The following PPFIA2 variants were observed in gnomAD, a reference collection of about 807,000 sequenced individuals.
The protein encoded by PPFIA2 is liprin-alpha-2.
A neutral mutation model predicts 175.5 loss-of-function variants in PPFIA2; 46 were observed. That is an observed-to-expected ratio of 0.26 (90% CI 0.21 to 0.34). The LOEUF (loss-of-function observed/expected upper bound fraction) is 0.34. Ranked by LOEUF, PPFIA2 falls within the 10% of genes least tolerant of loss-of-function variation. The pLI, the probability that PPFIA2 is intolerant of heterozygous loss-of-function variation, is 1.00. For synonymous variants in PPFIA2, 568 were observed against 511.4 expected, an observed-to-expected ratio of 1.11 and a Z score of -1.49; for missense variants, 1,179 against 1,506.1, an observed-to-expected ratio of 0.78 and a Z score of 3.60.
rs552054333 is a variant in PPFIA2, at chr12:81,317,889, A to G, written c.2642+7888T>C. The stretch of plus-strand genomic sequence containing the variant: ...AAGCAGGTAGTTCAAACTCTCAGCC[A>G]AAAGTTGAATCCTCGATGCAATAAT... On this transcript the variant is annotated intron_variant, in intron 22 of 32. Coordinates refer to ENST00000549396, the MANE Select transcript of PPFIA2 (RefSeq NM_003625.5). 2.0e-5 allele frequency among the ~76,000 whole-genome samples: 3 copies of G among 151,828 alleles called. No homozygotes were observed. In the East Asian group the frequency reaches 5.8e-4, roughly 29 times the overall value.
At chr12:81,677,268 T>C (rs1190047680) in intron 3 of PPFIA2, among the ~76,000 whole-genome samples, 1 of 151,978 alleles carries the variant, frequency 6.6e-6, no homozygotes, top group Non-Finnish European at 1.5e-5. Context: ...ACATATGATA[T>C]TTTGATGTAA....
intron 3 of PPFIA2, 50 bp downstream of exon 3, chr12:81,753,923 A>G (rs759870463): frequency 3.1e-6 from 5 of 1,595,552 alleles, no homozygotes; most frequent in Non-Finnish European, 4.3e-6. Flanking sequence ...AGTGAATCTT[A>G]ACAAATGTTC....
chr12:81,392,517 T>C (rs748570400), intron 8 of PPFIA2, among the ~76,000 whole-genome samples: 3 of 151,930 alleles, frequency 2.0e-5, no homozygotes. Flanking sequence ...AGATGACTAA[T>C]AACGTCTTTG....
chr12:81,706,576 T>A (rs2077171226), intron 3 of PPFIA2, among the ~76,000 whole-genome samples: 1 of 152,144 alleles, frequency 6.6e-6, no homozygotes, highest in South Asian at 2.1e-4. Context: ...AAGAGAAAAG[T>A]CTAAATAAAC....
intron 8 of PPFIA2, among the ~76,000 whole-genome samples, chr12:81,404,575 T>G (rs1022141641): frequency 1.3e-5 from 2 of 152,180 alleles, no homozygotes; most frequent in African/African-American, 4.8e-5. Context: ...ATAAAGCTAA[T>G]GAAATACGTC....
intron 4 of PPFIA2, among the ~76,000 whole-genome samples, chr12:81,497,847 T>C (rs1353840904): frequency 1.3e-5 from 2 of 152,152 alleles, no homozygotes; most frequent in Non-Finnish European, 2.9e-5. Context: ...CCCTCATAGT[T>C]GTCTTTTTTG....
At chr12:81,362,013 CTAT>C (rs2030808258) in intron 15 of PPFIA2, among the ~76,000 whole-genome samples, 1 of 104,120 alleles carries the variant, frequency 9.6e-6, no homozygotes, top group African/African-American at 4.5e-5. Context: ...ATGTATCTAT[CTAT>C]CTATCTATCT....
chr12:81,594,871 C>A (rs2059074968), intron 4 of PPFIA2, among the ~76,000 whole-genome samples: 1 of 151,952 alleles, frequency 6.6e-6, no homozygotes, highest in African/African-American at 2.4e-5. Context: ...TTTTATTGGG[C>A]CACTGCACTC....
At chr12:81,428,529 T>TACATTTTCTATTCATGATAATAACTTGG (rs2047546363) in intron 7 of PPFIA2, among the ~76,000 whole-genome samples, 2 of 152,012 alleles carry the variant, frequency 1.3e-5, no homozygotes, top group African/African-American at 4.8e-5. Flanking sequence ...CAGCAAAAGA[T>TACATTTTCTATTCATGATAATAACTTGG]ACATTTTCTA....
At chr12:81,584,827 TTA>T (rs1301268452) in intron 4 of PPFIA2, among the ~76,000 whole-genome samples, 1 of 128,664 alleles carries the variant, frequency 7.8e-6, no homozygotes, top group African/African-American at 2.9e-5. Context: ...AATAAATTTA[TTA>T]TATTTACATA....
chr12:81,479,673 T>C (rs1290303696), intron 4 of PPFIA2, among the ~76,000 whole-genome samples: 1 of 152,224 alleles, frequency 6.6e-6, no homozygotes, highest in Non-Finnish European at 1.5e-5. Flanking sequence ...TTATTTTTCC[T>C]TTGCTTATGA....
At chr12:81,377,465 A>T (rs2036626518) in intron 9 of PPFIA2, among the ~76,000 whole-genome samples, 1 of 151,958 alleles carries the variant, frequency 6.6e-6, no homozygotes, top group Admixed American at 6.6e-5. Flanking sequence ...AGGCCTGAGA[A>T]TCGCTTGAAC....
Position 81,339,315 on chromosome 12 carries a change from C to T in PPFIA2, c.2413G>A (p.Glu805Lys). ...CTACCAAGCCCGAGGCTTTCTGGCT[C>T]AAGAGAGACAGATAAACTACTGCAA... ...DARSSLSVSL[E>K]PESLGLGSAN... Residue 805 changes from glutamate to lysine, a missense_variant, in exon 21 of 33, where the codon GAG becomes AAG. This residue lies in a region of PPFIA2 where 223 missense variants were observed against 241.6 expected (regional missense o/e 0.92). Coordinates refer to ENST00000549396, the MANE Select transcript of PPFIA2 (RefSeq NM_003625.5). 2.5e-6 allele frequency: 4 copies of T among 1,593,352 alleles called. No homozygotes were observed. The highest frequency in any genetic ancestry group is 3.4e-6 in the Non-Finnish European group (4 of 1,170,948).
In PPFIA2 at chr12:81,362,746, T is replaced by C; in HGVS notation, c.1584A>G (p.Glu528=). The change falls in exon 15 of 33, where the codon GAA becomes GAG. Residue 528 remains glutamate, a synonymous_variant. Transcript: ENST00000549396. ...LAEEIEKLRS[E]LDQLKMRTGS... Reference sequence around the variant, plus strand: ...CAGTTCTCATTTTCAATTGGTCAAGTTCAGATCTCAGCTTTTCAATTTCTT... The same window carrying C: ...CAGTTCTCATTTTCAATTGGTCAAGCTCAGATCTCAGCTTTTCAATTTCTT... 1 of 1,547,084 alleles carries C rather than the reference T, an allele frequency of 6.5e-7. No individual in the cohort carries two copies. The highest frequency in any genetic ancestry group is 8.7e-7 in the Non-Finnish European group (1 of 1,143,432).
At chr12:81,364,395 T>C (rs2032331894) in intron 14 of PPFIA2, among the ~76,000 whole-genome samples, 1 of 151,798 alleles carries the variant, frequency 6.6e-6, no homozygotes, top group African/African-American at 2.4e-5. Context: ...ATGTATTTAT[T>C]TATTTAAAGA....
At chr12:81,711,403 T>C (rs2077895002) in intron 3 of PPFIA2, among the ~76,000 whole-genome samples, 1 of 151,314 alleles carries the variant, frequency 6.6e-6, no homozygotes. Context: ...ATGCCAAGAT[T>C]TTCATGCATT....
At chr12:81,598,114 G>A in intron 4 of PPFIA2, 1 of 1,523,956 alleles carries the variant, frequency 6.6e-7, no homozygotes, top group Non-Finnish European at 8.8e-7. Context: ...ATCCGTGCAT[G>A]CATTGAGGGA....
At chr12:81,466,765 C>T (rs568982731) in intron 4 of PPFIA2, among the ~76,000 whole-genome samples, 1 of 151,792 alleles carries the variant, frequency 6.6e-6, no homozygotes, top group Admixed American at 6.6e-5. Flanking sequence ...AGGGTTTTCT[C>T]AGTATCCCCA....
chr12:81,567,752 T>C (rs1173610354), intron 4 of PPFIA2, among the ~76,000 whole-genome samples: 1 of 152,232 alleles, frequency 6.6e-6, no homozygotes, highest in African/African-American at 2.4e-5. Context: ...GGCTTATGTG[T>C]CTCTTCATTT....
Sources: allele counts gnomAD v4.1 joint callset (sites outside exome capture counted in the v4.1 genomes callset), GRCh38; gene constraint gnomAD v4.1.1; regional missense constraint gnomAD v4.1.1; transcripts MANE v1.5; gene names NCBI Gene and HGNC (gene_info 2026-07-23, HGNC 2026-07-21).